HTT: variants seen among roughly 807,000 people sequenced by gnomAD.
The protein encoded by HTT is huntington disease protein.
HTT carries 104 observed loss-of-function variants against 362.3 expected under a neutral mutation model. That is an observed-to-expected ratio of 0.29 (90% CI 0.24 to 0.34). The LOEUF (loss-of-function observed/expected upper bound fraction) is 0.34. HTT is among the 10% of genes least tolerant of loss of function. The pLI is 1.00. For missense variants in HTT, 3,301 were observed against 3,928.6 expected (o/e 0.84, Z 4.27); for synonymous variants, 1,577 against 1,548.7 (o/e 1.02, Z -0.43).
At chr4:3,119,518 G>T (rs1472083953) in intron 8 of HTT, among the ~76,000 whole-genome samples, 1 of 152,132 alleles carries the variant, frequency 6.6e-6, no homozygotes, top group African/African-American at 2.4e-5. Flanking sequence ...TTATTGCAGT[G>T]AATAACATTT....
Position 3,125,607 on chromosome 4 carries a change from T to C in HTT, c.1380T>C (p.Asp460=). The change falls in exon 11 of 67, where the codon GAT becomes GAC. Residue 460 remains aspartate (D), a synonymous_variant. Coordinates refer to ENST00000355072, the MANE Select transcript of HTT (RefSeq NM_001388492.1). The stretch of plus-strand genomic sequence containing the variant: ...AGGATGACTCTGAATCGAGATCGGA[T>C]GTCAGCAGCTCTGCCTTAACAGGTA... ...ALEDDSESRS[D]VSSSALTASV... The C allele has an allele frequency of 6.2e-7, 1 of 1,613,554 alleles. No individual in the cohort carries two copies.
At chr4:3,175,145 C>T (rs1413758709) in intron 33 of HTT, 38 bp downstream of exon 33, 2 of 1,562,076 alleles carry the variant, frequency 1.3e-6, no homozygotes, top group Non-Finnish European at 1.7e-6. Flanking sequence ...ATACCTGTTC[C>T]TAATTTAGTA....
chr4:3,099,454 A>C, intron 3 of HTT, 60 bp downstream of exon 3: 2 of 1,602,202 alleles, frequency 1.2e-6, no homozygotes, highest in African/African-American at 1.3e-5. Flanking sequence ...CTGAGAGAAG[A>C]AGCGATCATT....
At position 3,132,676 on chromosome 4, in the gene HTT, G is replaced by T; in HGVS notation, c.2351G>T (p.Arg784Leu). Residue 784 changes from arginine to leucine, a missense_variant, in exon 17 of 67, where the codon CGC becomes CTC. Coordinates refer to ENST00000355072, the MANE Select transcript of HTT (RefSeq NM_001388492.1). ...TLICSILSRS[R>L]FHVGDWMGTI... is the part of the protein sequence containing the mutation. ...ATCTGCTCCATCCTCAGCAGGTCCC[G>T]CTTCCACGTGGGAGATTGGATGGGC... 1 of 1,614,108 alleles carries T rather than the reference G, an allele frequency of 6.2e-7. No homozygotes were observed.
chr4:3,210,269 C>G (rs1720088993), intron 47 of HTT, among the ~76,000 whole-genome samples: 1 of 152,180 alleles, frequency 6.6e-6, no homozygotes, highest in Admixed American at 6.5e-5. Flanking sequence ...GGGATGAGAA[C>G]TATCTGGCCT....
intron 29 of HTT, among the ~76,000 whole-genome samples, chr4:3,162,022 C>G (rs546227763): frequency 6.6e-6 from 1 of 152,094 alleles, no homozygotes. Context: ...AATGTTATGG[C>G]CCAGGTTTTC....
At chr4:3,224,619 A>C (rs1720825396) in intron 56 of HTT, among the ~76,000 whole-genome samples, 1 of 152,098 alleles carries the variant, frequency 6.6e-6, no homozygotes, top group African/African-American at 2.4e-5. Flanking sequence ...CTGCCCTATC[A>C]CAGGCATCGG....
chr4:3,147,170 C>T (rs1409985697), intron 25 of HTT, among the ~76,000 whole-genome samples: 1 of 152,176 alleles, frequency 6.6e-6, no homozygotes, highest in Admixed American at 6.5e-5. Flanking sequence ...CAATATAGCC[C>T]CTCAGTTAAC....
chr4:3,134,627 G>C, intron 19 of HTT, 87 bp downstream of exon 19: 2 of 1,198,060 alleles, frequency 1.7e-6, no homozygotes, highest in Non-Finnish European at 2.4e-6. Flanking sequence ...ATGTTATCAA[G>C]TACCCTGTCC....
intron 8 of HTT, among the ~76,000 whole-genome samples, chr4:3,119,846 C>T (rs1388272302): frequency 2.0e-5 from 3 of 152,236 alleles, no homozygotes; most frequent in East Asian, 3.9e-4. Flanking sequence ...AAGCTGATTA[C>T]GTAGAGCAGG....
intron 8 of HTT, among the ~76,000 whole-genome samples, chr4:3,117,631 G>GT (rs985570819): frequency 1.3e-5 from 2 of 152,128 alleles, no homozygotes; most frequent in African/African-American, 4.8e-5. Flanking sequence ...GAACCTGGGA[G>GT]TTTGAGACCA....
At position 3,208,801 on chromosome 4, in the gene HTT, A is replaced by G. The variant is rs1323521963; in HGVS notation, c.6181A>G (p.Arg2061Gly). The G allele has an allele frequency of 1.9e-6, 3 of 1,613,610 alleles. No individual in the cohort carries two copies. The South Asian group carries it at 3.3e-5, about 18-fold the overall frequency. ...RHQRLYSLLD[R>G]FRLSTMQDSL... ...CCAAAGGCTCTATTCCCTGCTGGAC[A>G]GGTTTCGTCTCTCCACCATGCAAGA... The change falls in exon 46 of 67, where the codon AGG (arginine) becomes GGG (glycine). Residue 2061 changes from arginine (R) to glycine (G), a missense_variant. Arg to Gly is a moderately radical substitution (Grantham distance 125). This residue lies in a region of HTT where 2,316 missense variants were observed against 2,658.5 expected (regional missense o/e 0.87). Transcript: ENST00000355072.
In HTT at chr4:3,223,473, C is replaced by T. The variant is rs751934871; in HGVS notation, c.7538C>T (p.Ala2513Val). The T allele has an allele frequency of 7.4e-6, 12 of 1,613,646 alleles. No individual in the cohort carries two copies. Among genetic ancestry groups the T allele is most frequent in the Non-Finnish European group, 1.0e-5 (12 of 1,179,662 alleles). ...VQAITSLVLS[A>V]MTVPVAGNPA... ...GCCATCACCTCACTGGTGCTCAGTGCAATGACTGTGCCTGTGGCCGGCAAC... is the reference window on the plus strand; with the variant it reads ...GCCATCACCTCACTGGTGCTCAGTGTAATGACTGTGCCTGTGGCCGGCAAC... The change falls in exon 55 of 67, where the codon GCA (alanine) becomes GTA (valine). Residue 2513 changes from alanine to valine, a missense_variant. Ala to Val is a moderately conservative substitution (Grantham distance 64, BLOSUM62 0). Coordinates refer to ENST00000355072, the MANE Select transcript of HTT (RefSeq NM_001388492.1).
In HTT at chr4:3,217,941, G is replaced by A. The variant is rs763081868; in HGVS notation, c.7231G>A (p.Val2411Met). 6.2e-7 allele frequency: 1 copy of A among 1,610,100 alleles called. No individual in the cohort carries two copies. Among genetic ancestry groups the A allele is most frequent in the Non-Finnish European group, 8.5e-7 (1 of 1,178,576 alleles). Residue 2411 changes from valine (V) to methionine (M), a missense_variant, in exon 52 of 67, where the codon GTG (valine) becomes ATG (methionine). By Grantham distance (21) the Val-to-Met change is conservative. Transcript: ENST00000355072. The part of the protein sequence containing the change: ...RLPLVNSYTR[V>M]PPLVWKLGWS... ...GCCCCTTGTCAACAGCTACACACGT[G>A]TGCCCCCACTGGTGAGTCTGCTCGT...
At chr4:3,220,972 T>C (rs1451677050) in intron 53 of HTT, among the ~76,000 whole-genome samples, 10 of 152,238 alleles carry the variant, frequency 6.6e-5, no homozygotes, top group Non-Finnish European at 1.5e-4. Context: ...CCCTTATTTC[T>C]AAATAAGTGT....
chr4:3,222,671 G>A (rs1720735574), intron 54 of HTT, among the ~76,000 whole-genome samples, 184 bp downstream of exon 54: 1 of 152,212 alleles, frequency 6.6e-6, no homozygotes, highest in Non-Finnish European at 1.5e-5. Flanking sequence ...TGAGGTCTGG[G>A]GGCTGCGATT....
chr4:3,099,518 A>G, intron 3 of HTT, 124 bp downstream of exon 3: 2 of 1,348,162 alleles, frequency 1.5e-6, no homozygotes, highest in Non-Finnish European at 2.0e-6. Flanking sequence ...TTCCTTTCTG[A>G]TGTATGGTTT....
At chr4:3,099,135 T>G in intron 2 of HTT, 139 bp from the exon 3 acceptor site, 2 of 592,972 alleles carry the variant, frequency 3.4e-6, no homozygotes, top group Non-Finnish European at 5.9e-6. Context: ...AGTCCAGACT[T>G]TATTCAGATT....
At chr4:3,138,003 G>C (rs1240890943) in intron 21 of HTT, among the ~76,000 whole-genome samples, 2 of 152,106 alleles carry the variant, frequency 1.3e-5, no homozygotes, top group Non-Finnish European at 2.9e-5. Context: ...AGATCACCTA[G>C]AAGTGGATTT....
Sources: allele counts gnomAD v4.1 joint callset (sites outside exome capture counted in the v4.1 genomes callset), GRCh38; gene constraint gnomAD v4.1.1; regional missense constraint gnomAD v4.1.1; transcripts MANE v1.5; gene names NCBI Gene and HGNC (gene_info 2026-07-23, HGNC 2026-07-21).